LGSN: variants seen among roughly 807,000 people sequenced by gnomAD.
LGSN encodes the protein lengsin.
In LGSN, 21 loss-of-function variants were observed where a neutral mutation model predicts 19.5. That is an observed-to-expected ratio of 1.07 (90% CI 0.76 to 1.55). LGSN has a LOEUF of 1.55. LGSN is among the 40% of genes most tolerant of loss of function. LGSN has a pLI of 0.00. For missense variants in LGSN, 673 were observed against 608.5 expected, an observed-to-expected ratio of 1.11 and a Z score of -1.12; for synonymous variants, 257 against 215.6, an observed-to-expected ratio of 1.19 and a Z score of -1.68.
At chr6:63,437,233 G>T in the LGSN span, among the ~76,000 whole-genome samples, 1 of 150,230 alleles carries the variant, frequency 6.7e-6, no homozygotes, top group East Asian at 2.0e-4. Context: ...GAAAGGGAAT[G>T]AAAGGAAAGG....
chr6:63,289,358 TTGC>T, intron 2 of LGSN, among the ~76,000 whole-genome samples: 1 of 152,224 alleles, frequency 6.6e-6, no homozygotes, highest in Non-Finnish European at 1.5e-5. Flanking sequence ...TCAACTGATC[TTGC>T]TGCATCATTG....
the LGSN span, among the ~76,000 whole-genome samples, chr6:63,519,683 G>A: frequency 6.6e-6 from 1 of 152,292 alleles, no homozygotes; most frequent in African/African-American, 2.4e-5. Context: ...ATACAGGTCA[G>A]TCTACTAAAA....
chr6:63,339,412 T>C, the LGSN span, among the ~76,000 whole-genome samples: 8 of 152,244 alleles, frequency 5.3e-5, no homozygotes, highest in African/African-American at 1.9e-4. Flanking sequence ...TTGATCCTTT[T>C]ATCATTATAT....
At chr6:63,483,121 C>T in the LGSN span, among the ~76,000 whole-genome samples, 23 of 152,336 alleles carry the variant, frequency 1.5e-4, no homozygotes, top group African/African-American at 5.5e-4. Context: ...TCAGCAGCCA[C>T]TAACAGAATA....
chr6:63,448,558 C>A, the LGSN span, among the ~76,000 whole-genome samples: 121 of 151,596 alleles, frequency 8.0e-4, no homozygotes, highest in Middle Eastern at 6.8e-3. Flanking sequence ...GGAGAGAAGA[C>A]AGGCAGGCCC....
rs139522821 is a variant in LGSN at position 63,294,381 on chromosome 6, TCTA to T, written c.163+529_163+531del. Among the ~76,000 whole-genome samples, 443 of 152,040 alleles carry T rather than the reference TCTA, an allele frequency of 2.9e-3. 3 individuals are homozygous for T. The highest frequency in any genetic ancestry group is 0.01 in the African/African-American group (419 of 41,500). ...AAAAATAAATAAATAAATAATAAAATCTACTAAAATCTGACTGCTTTTTATTGT... is the reference window on the plus strand; with the variant it reads ...AAAAATAAATAAATAAATAATAAAATCTAAAATCTGACTGCTTTTTATTGT... On this transcript the variant is annotated intron_variant, in intron 2 of 3. Transcript: ENST00000370657.
the LGSN span, among the ~76,000 whole-genome samples, chr6:63,386,736 G>C: frequency 2.6e-5 from 4 of 152,194 alleles, no homozygotes; most frequent in East Asian, 7.7e-4. Flanking sequence ...TAATCTACTG[G>C]GAAAAGAGTA....
chr6:63,542,111 T>C, the LGSN span, among the ~76,000 whole-genome samples: 1 of 151,652 alleles, frequency 6.6e-6, no homozygotes, highest in African/African-American at 2.4e-5. Flanking sequence ...AATAAATTAA[T>C]GGCATTCACA....
At chr6:63,519,628 C>T in the LGSN span, among the ~76,000 whole-genome samples, 2 of 152,090 alleles carry the variant, frequency 1.3e-5, no homozygotes, top group Admixed American at 1.3e-4. Flanking sequence ...AATTACAGCC[C>T]ATTATGTGAC....
the LGSN span, among the ~76,000 whole-genome samples, chr6:63,516,738 G>T: frequency 2.0e-5 from 3 of 152,162 alleles, no homozygotes; most frequent in Admixed American, 6.5e-5. Context: ...GATATATGTG[G>T]CAATGGCATG....
the LGSN span, among the ~76,000 whole-genome samples, chr6:63,474,069 T>C: frequency 3.9e-5 from 6 of 152,012 alleles, no homozygotes; most frequent in Non-Finnish European, 5.9e-5. Context: ...CAGCTTTCCA[T>C]GGGAAATCAG....
intron 1 of LGSN, among the ~76,000 whole-genome samples, chr6:63,312,113 A>G (rs1768653114): frequency 6.6e-6 from 1 of 152,204 alleles, no homozygotes; most frequent in African/African-American, 2.4e-5. Context: ...TAAGCTAATT[A>G]TTGCCTGTTT....
the LGSN span, among the ~76,000 whole-genome samples, chr6:63,436,812 G>C: frequency 1.3e-5 from 2 of 152,126 alleles, no homozygotes; most frequent in African/African-American, 4.8e-5. Context: ...GAGGCAGGTG[G>C]ATTGCTTTAG....
the LGSN span, among the ~76,000 whole-genome samples, chr6:63,375,620 T>C: frequency 2.0e-5 from 3 of 152,072 alleles, no homozygotes; most frequent in Non-Finnish European, 4.4e-5. Flanking sequence ...GTTGGAGAGA[T>C]TAGAGAGTAA....
At chr6:63,449,678 G>A in the LGSN span, among the ~76,000 whole-genome samples, 3 of 152,146 alleles carry the variant, frequency 2.0e-5, no homozygotes, top group African/African-American at 4.8e-5. Context: ...TATCCCCCCA[G>A]AGAAAGAAAA....
chr6:63,377,349 G>A, the LGSN span, among the ~76,000 whole-genome samples: 1 of 152,200 alleles, frequency 6.6e-6, no homozygotes, highest in East Asian at 1.9e-4. Flanking sequence ...TCAACTGCAT[G>A]CCCTGAAGGC....
At chr6:63,285,560 A>G (rs1217726102) in intron 3 of LGSN, 27 bp downstream of exon 3, 19 of 1,570,264 alleles carry the variant, frequency 1.2e-5, no homozygotes, top group Non-Finnish European at 1.3e-5. Flanking sequence ...ATGAAATTAC[A>G]TTTAGTCACA....
chr6:63,348,424 AGCCTGGGC>A, the LGSN span, among the ~76,000 whole-genome samples: 1 of 152,144 alleles, frequency 6.6e-6, no homozygotes, highest in Non-Finnish European at 1.5e-5. Context: ...ACTGCACTCC[AGCCTGGGC>A]GACAGAGTTA....
At chr6:63,369,129 A>C in the LGSN span, among the ~76,000 whole-genome samples, 1 of 152,238 alleles carries the variant, frequency 6.6e-6, no homozygotes, top group African/African-American at 2.4e-5. Context: ...TAAATGTTGG[A>C]GCACCTGACC....
Sources: allele counts gnomAD v4.1 joint callset (sites outside exome capture counted in the v4.1 genomes callset), GRCh38; gene constraint gnomAD v4.1.1; transcripts MANE v1.5; gene names NCBI Gene and HGNC (gene_info 2026-07-23, HGNC 2026-07-21).